The following SH3D21 variants were observed in gnomAD, a reference collection of about 807,000 sequenced individuals.
SH3D21 encodes SH3 domain-containing protein 21.
A neutral mutation model predicts 82.1 loss-of-function variants in SH3D21; 83 were observed. The observed-to-expected ratio is 1.01, with a 90% CI of 0.85 to 1.21. The LOEUF (loss-of-function observed/expected upper bound fraction) is 1.21. Among genes scored for constraint, SH3D21 ranks in the 50% most tolerant of loss-of-function variants. The pLI is 0.00. For missense variants in SH3D21, 980 were observed against 962.1 expected, an observed-to-expected ratio of 1.02 and a Z score of -0.25; for synonymous variants, 383 against 387.8, an observed-to-expected ratio of 0.99 and a Z score of 0.15.
chr1:36,315,029 C>T (rs911810504), intron 10 of SH3D21, among the ~76,000 whole-genome samples: 1 of 152,116 alleles, frequency 6.6e-6, no homozygotes, highest in Non-Finnish European at 1.5e-5. Flanking sequence ...TATCCCAGCA[C>T]TTTGGGAGGC....
At chr1:36,315,901 T>G (rs183866247) in intron 10 of SH3D21, among the ~76,000 whole-genome samples, 1 of 152,392 alleles carries the variant, frequency 6.6e-6, no homozygotes, top group African/African-American at 2.4e-5. Flanking sequence ...TTATGTTGCA[T>G]TTCTTTTTCA....
In SH3D21 at chr1:36,307,077, G is replaced by A; in HGVS notation, c.227-90G>A. 6.5e-7 allele frequency: 1 copy of A among 1,527,910 alleles called. No individual in the cohort carries two copies. Among genetic ancestry groups the A allele is most frequent in the Non-Finnish European group, 8.8e-7 (1 of 1,134,680 alleles). The allele number at this position is 1,527,910 out of a possible 1,614,324, so 94.6% of individuals were successfully genotyped here. A position where few individuals can be genotyped will look rare whatever the true frequency, so the allele number is the denominator to read the frequency against. On this transcript the variant is annotated intron_variant, in intron 3 of 15. Coordinates refer to ENST00000453908, the MANE Select transcript of SH3D21 (RefSeq NM_001162530.2). The surrounding 1 kb of genome is among the most constrained non-coding windows in gnomAD (Gnocchi z 5.4). ...CTCCGCCCTGGGGCGGGGCTGGAGG[G>A]ACCAAAGGCTACGTGCGCGCCTTGC...
At position 36,306,377 on chromosome 1, in the gene SH3D21, C is replaced by G. The variant is rs569233010; in HGVS notation, c.-44C>G. ...CACCCTGCGCGGGCCCAGTACTCGG[C>G]CGTCAGAGGGAGCTGCCAGGCTCTG... On this transcript the variant is annotated 5_prime_UTR_variant, in exon 1 of 16. Transcript: ENST00000453908. This position sits in a 1 kb window ranked among gnomAD's most constrained non-coding sequence, Gnocchi z 4.5. The G allele has an allele frequency of 7.7e-7, 1 of 1,305,288 alleles. No homozygotes were observed. Among genetic ancestry groups the G allele is most frequent in the Admixed American group, 2.3e-5 (1 of 43,564 alleles). 80.9% of individuals were successfully genotyped at this position (1,305,288 alleles called of 1,614,324 possible). A position where few individuals can be genotyped will look rare whatever the true frequency, so the allele number is the denominator to read the frequency against.
At position 36,308,229 on chromosome 1, in the gene SH3D21, G is replaced by C; in HGVS notation, c.639+20G>C. The stretch of plus-strand genomic sequence containing the variant: ...AGCAAGGTGTGAGACGAACAGGGTG[G>C]GGGGGCCCAGGGAAGCCGGTGTTGA... On this transcript the variant is annotated intron_variant, in intron 8 of 15. Coordinates refer to ENST00000453908, the MANE Select transcript of SH3D21 (RefSeq NM_001162530.2). The C allele has an allele frequency of 6.6e-7, 1 of 1,514,496 alleles. No individual in the cohort carries two copies. The allele number at this position is 1,514,496 out of a possible 1,614,324, so 93.8% of individuals were successfully genotyped here.
In SH3D21 at chr1:36,307,040, T is replaced by G. The variant is rs962371336; in HGVS notation, c.227-127T>G. ...CCGCCCTGCGGTCTGTGATTGGTTCTCGAGTGCAATGCTCCGCCCTGGGGC... is the reference window on the plus strand; with the variant it reads ...CCGCCCTGCGGTCTGTGATTGGTTCGCGAGTGCAATGCTCCGCCCTGGGGC... On this transcript the variant is annotated intron_variant, in intron 3 of 15. Coordinates refer to ENST00000453908, the MANE Select transcript of SH3D21 (RefSeq NM_001162530.2). The surrounding 1 kb of genome is among the most constrained non-coding windows in gnomAD (Gnocchi z 5.4). 6.2e-6 allele frequency: 9 copies of G among 1,462,620 alleles called. No individual in the cohort carries two copies. The highest frequency in any genetic ancestry group is 8.2e-6 in the Non-Finnish European group (9 of 1,103,654). 90.6% of individuals were successfully genotyped at this position (1,462,620 alleles called of 1,614,324 possible).
chr1:36,326,923 C>T (rs1646551642), downstream of SH3D21, among the ~76,000 whole-genome samples: 1 of 152,074 alleles, frequency 6.6e-6, no homozygotes, highest in Non-Finnish European at 1.5e-5. Context: ...ATTAGATATC[C>T]AGGTGCAGGT....
intron 14 of SH3D21, 51 bp downstream of exon 14, chr1:36,320,849 C>T (rs995473413): frequency 6.4e-7 from 1 of 1,550,560 alleles, no homozygotes; most frequent in Non-Finnish European, 8.7e-7. Context: ...CCCTAGCCCT[C>T]ACCTGCGCAG....
chr1:36,321,976 G>A (rs1646471207), downstream of SH3D21: 3 of 1,177,092 alleles, frequency 2.5e-6, no homozygotes, highest in East Asian at 8.5e-5. The surrounding 1 kb of genome is among the most constrained non-coding windows in gnomAD (Gnocchi z 6.1). Flanking sequence ...GGGCCCCTGC[G>A]TGGCAGGAGC....
At chr1:36,321,493 C>T (rs1646462474), downstream of SH3D21, 10 of 863,136 alleles carry the variant, frequency 1.2e-5, no homozygotes, top group Non-Finnish European at 1.5e-5. The surrounding 1 kb of genome is among the most constrained non-coding windows in gnomAD (Gnocchi z 6.1). Context: ...GCCTAGATTC[C>T]GGAATCCAGC....
chr1:36,311,265 G>A (rs1348816786), intron 10 of SH3D21, among the ~76,000 whole-genome samples: 3 of 151,298 alleles, frequency 2.0e-5, no homozygotes, highest in South Asian at 4.2e-4. Context: ...GTTTTTAGAC[G>A]GAGTCTGCAC....
At position 36,319,799 on chromosome 1, in the gene SH3D21, C is replaced by T; in HGVS notation, c.1136C>T (p.Ala379Val). 1 of 1,613,896 alleles carries T rather than the reference C, an allele frequency of 6.2e-7. No individual in the cohort carries two copies. The highest frequency in any genetic ancestry group is 1.1e-5 in the South Asian group (1 of 91,066). The change falls in exon 14 of 16, where the codon GCT becomes GTT. Residue 379 changes from alanine (A) to valine (V), a missense_variant. Physicochemically the swap from Ala to Val is moderately conservative, Grantham distance 64. Transcript: ENST00000453908. ...GCCCCCAGCTCCAAGAAGATCCCGG[C>T]TCCTGACAAAGTCCCCTCCCCAGAG... is the stretch of plus-strand genomic sequence containing the variant. Reference protein sequence around the residue: ...ENAPSSKKIPAPDKVPSPEKT... With the variant: ...ENAPSSKKIPVPDKVPSPEKT...
intron 9 of SH3D21, 107 bp from the exon 10 acceptor site, chr1:36,309,441 C>T: frequency 7.6e-7 from 1 of 1,307,492 alleles, no homozygotes; most frequent in Non-Finnish European, 1.1e-6. Context: ...AAGTGATCCA[C>T]TCCCAAAGTG....
rs1056557901 is a variant in SH3D21, at chr1:36,315,380, C to T, written c.770-3691C>T. Reference sequence around the variant, plus strand: ...TTTCTTTTGCGGGGGGAAGGAGTCTCGCTCTGTCTCCCAGGCTGGAGTGTA... The same window carrying T: ...TTTCTTTTGCGGGGGGAAGGAGTCTTGCTCTGTCTCCCAGGCTGGAGTGTA... On this transcript the variant is annotated intron_variant, in intron 10 of 15. Coordinates refer to ENST00000453908, the MANE Select transcript of SH3D21 (RefSeq NM_001162530.2). Among the ~76,000 whole-genome samples the T allele has an allele frequency of 3.3e-5, 5 of 151,900 alleles. 1 individual carries two copies. The highest frequency in any genetic ancestry group is 4.2e-4 in the South Asian group (2 of 4,816).
downstream of SH3D21, chr1:36,322,615 G>A (rs765689469): frequency 6.5e-7 from 1 of 1,548,346 alleles, no homozygotes; most frequent in Non-Finnish European, 8.7e-7. Context: ...GCCGGGCCCC[G>A]GGGCCGCGGG....
chr1:36,322,187 T>C, downstream of SH3D21: 6 of 1,363,302 alleles, frequency 4.4e-6, no homozygotes, highest in Admixed American at 1.9e-4. Context: ...CCACGCCCAG[T>C]AGCACCTGGG....
chr1:36,322,266 G>T, downstream of SH3D21: 1 of 1,469,240 alleles, frequency 6.8e-7, no homozygotes. Context: ...CCGGTACCCC[G>T]AGCGCCTTGC....
Position 36,308,117 on chromosome 1 carries a change from C to T in SH3D21, c.547C>T (p.Pro183Ser), listed in dbSNP as rs1215247902. Residue 183 changes from proline to serine, a missense_variant, in exon 8 of 16, where the codon CCT (proline) becomes TCT (serine). By Grantham distance (74) the Pro-to-Ser change is moderately conservative (BLOSUM62 -1). Coordinates refer to ENST00000453908, the MANE Select transcript of SH3D21 (RefSeq NM_001162530.2). ...PPDYLQTVSH[P>S]EVYRVLFDYQ... ...GACTGACCTCTTCCCAGTCTCCCAC[C>T]CTGAGGTCTACAGGGTCCTGTTTGA... 6.5e-7 allele frequency: 1 copy of T among 1,548,662 alleles called. No individual in the cohort carries two copies. The highest frequency in any genetic ancestry group is 1.2e-5 in the South Asian group (1 of 83,660).
Position 36,307,670 on chromosome 1 carries a change from G to GCCTGTGATTCACATATCCTGAC in SH3D21, c.436+71_437-71dup. Reference sequence around the variant, plus strand: ...TCCAATGACCCTCCCAGTGGCATGAGCCTGTGATTCACATATCCTGACCCT... The same window carrying GCCTGTGATTCACATATCCTGAC: ...TCCAATGACCCTCCCAGTGGCATGAGCCTGTGATTCACATATCCTGACCCTGTGATTCACATATCCTGACCCT... On this transcript the variant is annotated intron_variant, in intron 5 of 15. Coordinates refer to ENST00000453908, the MANE Select transcript of SH3D21 (RefSeq NM_001162530.2). The surrounding 1 kb of genome is among the most constrained non-coding windows in gnomAD (Gnocchi z 5.4). 1 of 1,542,708 alleles carries GCCTGTGATTCACATATCCTGAC rather than the reference G, an allele frequency of 6.5e-7. No individual in the cohort carries two copies. The highest frequency in any genetic ancestry group is 8.8e-7 in the Non-Finnish European group (1 of 1,140,418).
At chr1:36,323,025 G>A, downstream of SH3D21, 1 of 1,599,940 alleles carries the variant, frequency 6.3e-7, no homozygotes, top group Non-Finnish European at 8.5e-7. Context: ...ATGTCCCTTC[G>A]CGGGGCATCC....
Sources: gnomAD v4.1 joint callset for allele counts (sites outside exome capture counted in the v4.1 genomes callset) on GRCh38, gnomAD v4.1.1 for gene constraint, Gnocchi (gnomAD v3.1) non-coding constraint, MANE v1.5 for transcripts, NCBI Gene and HGNC (gene_info 2026-07-23, HGNC 2026-07-21) for gene names.